MCTP2: variants seen among roughly 807,000 people sequenced by gnomAD.
MCTP2 encodes multiple C2 and transmembrane domain-containing protein 2.
A neutral mutation model predicts 111.6 loss-of-function variants in MCTP2; 132 were observed. That is an observed-to-expected ratio of 1.18 (90% CI 1.03 to 1.37). The LOEUF is 1.37. Among genes scored for constraint, MCTP2 ranks in the 40% most tolerant of loss-of-function variants. The pLI is 0.00. For synonymous variants in MCTP2, 395 were observed against 387.7 expected, an observed-to-expected ratio of 1.02 and a Z score of -0.22; for missense variants, 1,183 against 1,067.9, an observed-to-expected ratio of 1.11 and a Z score of -1.50.
chr15:94,450,422 T>TGAC (rs2084373859), intron 19 of MCTP2, among the ~76,000 whole-genome samples: 1 of 152,258 alleles, frequency 6.6e-6, no homozygotes, highest in African/African-American at 2.4e-5. Context: ...AATTTCTAAA[T>TGAC]GACAGCTCCT....
At chr15:94,463,790 G>A (rs989076089) in intron 20 of MCTP2, among the ~76,000 whole-genome samples, 1 of 152,098 alleles carries the variant, frequency 6.6e-6, no homozygotes, top group African/African-American at 2.4e-5. Flanking sequence ...TTTTGAACAT[G>A]AGCTGAGCTT....
At chr15:94,395,260 T>C (rs1469983353) in intron 14 of MCTP2, among the ~76,000 whole-genome samples, 1 of 152,226 alleles carries the variant, frequency 6.6e-6, no homozygotes, top group Non-Finnish European at 1.5e-5. Flanking sequence ...TTCCCTTTTA[T>C]GCAGAGTGAA....
At chr15:94,427,882 C>T (rs1204267913) in intron 17 of MCTP2, among the ~76,000 whole-genome samples, 1 of 152,022 alleles carries the variant, frequency 6.6e-6, no homozygotes, top group Non-Finnish European at 1.5e-5. Flanking sequence ...TGAGAAAAAT[C>T]TTCTCCTTCA....
intron 19 of MCTP2, among the ~76,000 whole-genome samples, chr15:94,446,872 T>C (rs2084149412): frequency 6.6e-6 from 1 of 152,222 alleles, no homozygotes; most frequent in Non-Finnish European, 1.5e-5. Flanking sequence ...AAAAACAATA[T>C]GACCCTTTTA....
At chr15:94,437,265 A>G (rs61095710) in intron 17 of MCTP2, among the ~76,000 whole-genome samples, 21,155 of 151,674 alleles carry the variant, frequency 0.14, 1,566 homozygotes, top group East Asian at 0.25. Flanking sequence ...ATGATTTTCT[A>G]CATCAGATCT....
chr15:94,293,758 T>A (rs2388516), intron 1 of MCTP2, among the ~76,000 whole-genome samples: 13 of 152,212 alleles, frequency 8.5e-5, no homozygotes, highest in African/African-American at 2.9e-4. Flanking sequence ...TCATAATTGT[T>A]GGCGGGAATG....
At chr15:94,351,951 T>A (rs1300073813) in intron 8 of MCTP2, among the ~76,000 whole-genome samples, 1 of 152,158 alleles carries the variant, frequency 6.6e-6, no homozygotes, top group African/African-American at 2.4e-5. Flanking sequence ...CCACCTGGCC[T>A]CGGACAGATA....
chr15:94,270,630 CT>C lies in MCTP2; in HGVS notation c.-65-27570del, dbSNP rs1217499481. Among the ~76,000 whole-genome samples the C allele has an allele frequency of 6.6e-5, 10 of 152,104 alleles. No individual in the cohort carries two copies. In the South Asian group the frequency reaches 8.3e-4, roughly 13 times the overall value. On this transcript the variant is annotated intron_variant, in intron 1 of 22. Coordinates refer to ENST00000357742, the MANE Select transcript of MCTP2 (RefSeq NM_001385001.1). Reference sequence around the variant, plus strand: ...TCTCCCCAGGTGGGCTGCCTACCCCCTATCCCCCTCTCCTGGCCTTCTGCAC... The same window carrying C: ...TCTCCCCAGGTGGGCTGCCTACCCCCATCCCCCTCTCCTGGCCTTCTGCAC...
intron 4 of MCTP2, among the ~76,000 whole-genome samples, chr15:94,337,524 G>C (rs1187211143): frequency 6.8e-6 from 1 of 147,404 alleles, no homozygotes; most frequent in Non-Finnish European, 1.5e-5. Flanking sequence ...CAGAATGATT[G>C]TTAAAGTCTG....
chr15:94,426,120 CAGAGAGAG>C (rs879822326), intron 17 of MCTP2, among the ~76,000 whole-genome samples: 2 of 129,094 alleles, frequency 1.5e-5, no homozygotes, highest in African/African-American at 3.0e-5. Flanking sequence ...TCTGAGATGC[CAGAGAGAG>C]AGAGAGAGAG....
intron 1 of MCTP2, among the ~76,000 whole-genome samples, chr15:94,240,018 T>G (rs982229265): frequency 2.0e-5 from 3 of 152,186 alleles, no homozygotes; most frequent in Non-Finnish European, 4.4e-5. Context: ...TATTATTTTA[T>G]TGTTTAGTTT....
At chr15:94,302,633 G>A (rs1235096083) in intron 2 of MCTP2, among the ~76,000 whole-genome samples, 5 of 152,130 alleles carry the variant, frequency 3.3e-5, no homozygotes, top group South Asian at 2.1e-4. Flanking sequence ...ACCTGGTTTC[G>A]ACTTGTTTTG....
intron 3 of MCTP2, 34 bp from the exon 4 acceptor site, chr15:94,315,495 C>A: frequency 6.7e-7 from 1 of 1,497,268 alleles, no homozygotes. Context: ...GGGCCCAAGA[C>A]ATACTGTCTT....
At position 94,442,953 on chromosome 15, in the gene MCTP2, A is replaced by G. The variant is rs2083865670; in HGVS notation, c.2243A>G (p.Asp748Gly). 6.2e-7 allele frequency: 1 copy of G among 1,613,436 alleles called. No homozygotes were observed. Among genetic ancestry groups the G allele is most frequent in the South Asian group, 1.1e-5 (1 of 91,058 alleles). ...GACATAGATGACGAGGAGGATGAAG[A>G]TGACAAGGTGCGTATGTTCAAGAAA... ...STDIDDEEDE[D>G]DKESEKKGLI... Residue 748 changes from aspartate to glycine, a missense_variant, in exon 19 of 23, where the codon GAT becomes GGT. Asp to Gly is a moderately conservative substitution (Grantham distance 94). Transcript: ENST00000357742.
intron 12 of MCTP2, among the ~76,000 whole-genome samples, chr15:94,380,004 CA>C (rs1378603078): frequency 6.6e-6 from 1 of 151,466 alleles, no homozygotes; most frequent in Non-Finnish European, 1.5e-5. Context: ...TTCTGCTCAT[CA>C]AACACTTCCC....
intron 2 of MCTP2, among the ~76,000 whole-genome samples, chr15:94,312,433 T>C (rs1407382349): frequency 6.6e-6 from 1 of 152,226 alleles, no homozygotes; most frequent in African/African-American, 2.4e-5. Flanking sequence ...AAAGGACCTG[T>C]AGCCTCTTTT....
chr15:94,352,467 T>C (rs2078358006), intron 8 of MCTP2, among the ~76,000 whole-genome samples: 1 of 152,108 alleles, frequency 6.6e-6, no homozygotes, highest in Non-Finnish European at 1.5e-5. Flanking sequence ...AACATAGGAA[T>C]AGCGAAAGGT....
In MCTP2 at chr15:94,467,843, T is replaced by G. The variant is rs2073525225; in HGVS notation, c.2361-2490T>G. ...AAAAGTTCTGTTACAGGTTCTGCTGTGGAATAGAGAAGTTGGGAATGGACC... is the reference window on the plus strand; with the variant it reads ...AAAAGTTCTGTTACAGGTTCTGCTGGGGAATAGAGAAGTTGGGAATGGACC... On this transcript the variant is annotated intron_variant, in intron 20 of 22. Transcript: ENST00000357742. Among the ~76,000 whole-genome samples, 4 of 152,180 alleles carry G rather than the reference T, an allele frequency of 2.6e-5. No individual in the cohort carries two copies. In the South Asian group the frequency reaches 8.3e-4, roughly 31 times the overall value.
intron 1 of MCTP2, among the ~76,000 whole-genome samples, chr15:94,251,274 T>A (rs1459819026): frequency 6.6e-6 from 1 of 152,242 alleles, no homozygotes; most frequent in Non-Finnish European, 1.5e-5. Flanking sequence ...ACCTGTACAT[T>A]CATTCCAACT....
Sources: allele counts gnomAD v4.1 joint callset (sites outside exome capture counted in the v4.1 genomes callset), GRCh38; gene constraint gnomAD v4.1.1; transcripts MANE v1.5; gene names NCBI Gene and HGNC (gene_info 2026-07-23, HGNC 2026-07-21).